The following LINGO2 variants were observed in gnomAD, a reference collection of about 807,000 sequenced individuals.
LINGO2 encodes leucine-rich repeat and immunoglobulin-like domain-containing nogo receptor-interacting protein 2.
In LINGO2, 14 loss-of-function variants were observed where a neutral mutation model predicts 30.6. The ratio of observed to expected loss-of-function variants is 0.46; its 90% CI spans 0.30 to 0.72. LINGO2 has a LOEUF of 0.72. Ranked by LOEUF, LINGO2 falls within the 30% of genes least tolerant of loss-of-function variation. The pLI is 0.07. For missense variants in LINGO2, 729 were observed against 751.7 expected, an observed-to-expected ratio of 0.97 and a Z score of 0.35; for synonymous variants, 317 against 288.5, an observed-to-expected ratio of 1.10 and a Z score of -1.00.
rs1341254305 is a variant in LINGO2, at chr9:28,360,235, C to T, written c.-246+12601G>A. On this transcript the variant is annotated intron_variant, in intron 3 of 5. Transcript: ENST00000379992. ...TGAGAAAAATGAATTTCAAAATTCA[C>T]TTTCAGATGCTAGAGCACTATTCCT... 2.0e-5 allele frequency among the ~76,000 whole-genome samples: 3 copies of T among 152,264 alleles called. No individual in the cohort carries two copies. The East Asian group carries it at 5.8e-4, about 29-fold the overall frequency.
the LINGO2 span, among the ~76,000 whole-genome samples, chr9:29,082,931 C>A: frequency 1.3e-5 from 2 of 152,076 alleles, no homozygotes; most frequent in South Asian, 2.1e-4. Flanking sequence ...AGTCAGGAAA[C>A]AACAGGTGCT....
At chr9:29,113,437 G>A in the LINGO2 span, among the ~76,000 whole-genome samples, 1 of 152,138 alleles carries the variant, frequency 6.6e-6, no homozygotes, top group Non-Finnish European at 1.5e-5. Flanking sequence ...GATGAAGCCA[G>A]CAGGAGCAGA....
intron 4 of LINGO2, among the ~76,000 whole-genome samples, chr9:28,059,004 C>T (rs1825053988): frequency 6.6e-6 from 1 of 152,016 alleles, no homozygotes; most frequent in Non-Finnish European, 1.5e-5. Context: ...AGATTCAGAG[C>T]TCACAACTTC....
At chr9:28,361,941 T>C (rs1396160234) in intron 3 of LINGO2, among the ~76,000 whole-genome samples, 1 of 152,188 alleles carries the variant, frequency 6.6e-6, no homozygotes, top group African/African-American at 2.4e-5. Context: ...CTGTTTCTGC[T>C]TTGAAAGCCA....
chr9:28,930,287 C>A, the LINGO2 span, among the ~76,000 whole-genome samples: 1 of 152,164 alleles, frequency 6.6e-6, no homozygotes, highest in Non-Finnish European at 1.5e-5. This position sits in a 1 kb window ranked among gnomAD's most constrained non-coding sequence, Gnocchi z 4.2. Flanking sequence ...GAAACCCTGG[C>A]TTGAATTCCT....
At chr9:28,221,628 A>T (rs924770567) in intron 4 of LINGO2, among the ~76,000 whole-genome samples, 1 of 152,182 alleles carries the variant, frequency 6.6e-6, no homozygotes, top group African/African-American at 2.4e-5. Flanking sequence ...TTAAAATTAT[A>T]GACACTGAAT....
At chr9:28,712,515 C>G in the LINGO2 span, among the ~76,000 whole-genome samples, 1 of 150,996 alleles carries the variant, frequency 6.6e-6, no homozygotes, top group Admixed American at 6.7e-5. Flanking sequence ...AAACTCAGCT[C>G]TACCATTTTA....
the LINGO2 span, among the ~76,000 whole-genome samples, chr9:28,857,963 C>T: frequency 3.1e-4 from 47 of 151,404 alleles, no homozygotes; most frequent in South Asian, 8.1e-3. Context: ...GTATGCGGCC[C>T]GTTCAACATC....
chr9:28,920,948 CTA>C, the LINGO2 span, among the ~76,000 whole-genome samples: 3 of 152,006 alleles, frequency 2.0e-5, no homozygotes, highest in African/African-American at 7.2e-5. Context: ...CAAATGGACA[CTA>C]TGAAAATTAT....
intron 4 of LINGO2, among the ~76,000 whole-genome samples, chr9:28,186,968 G>A (rs550334961): frequency 1.4e-4 from 22 of 152,208 alleles, no homozygotes; most frequent in Non-Finnish European, 2.5e-4. Context: ...GTGCCAAAAA[G>A]TGACATGATC....
the LINGO2 span, among the ~76,000 whole-genome samples, chr9:29,013,323 T>C: frequency 4.3e-4 from 66 of 152,106 alleles, 4 homozygotes; most frequent in Non-Finnish European, 1.5e-5. Flanking sequence ...CCTAACAAAG[T>C]ACCTTACTCA....
the LINGO2 span, among the ~76,000 whole-genome samples, chr9:28,863,452 G>A: frequency 6.6e-6 from 1 of 152,050 alleles, no homozygotes; most frequent in Admixed American, 6.6e-5. Flanking sequence ...TTTCTGGTGT[G>A]TTTGACACAG....
chr9:28,867,529 G>A, the LINGO2 span, among the ~76,000 whole-genome samples: 77 of 149,628 alleles, frequency 5.1e-4, no homozygotes, highest in African/African-American at 1.8e-3. Flanking sequence ...CTGCACCAAT[G>A]TAAACATTTG....
intron 3 of LINGO2, among the ~76,000 whole-genome samples, chr9:28,308,554 T>C (rs1304491446): frequency 6.8e-6 from 1 of 146,224 alleles, no homozygotes; most frequent in Non-Finnish European, 1.5e-5. Flanking sequence ...CCAAAAGCAA[T>C]GGCAACAAAA....
At chr9:28,196,261 T>C (rs1820005175) in intron 4 of LINGO2, among the ~76,000 whole-genome samples, 1 of 151,656 alleles carries the variant, frequency 6.6e-6, no homozygotes, top group Admixed American at 6.6e-5. Flanking sequence ...CTAGTGGTAC[T>C]GGACAAGAGA....
chr9:28,041,251 C>T (rs527765057), intron 4 of LINGO2, among the ~76,000 whole-genome samples: 2 of 152,286 alleles, frequency 1.3e-5, no homozygotes, highest in African/African-American at 4.8e-5. Flanking sequence ...CAGGTTCATA[C>T]AATGTGGCAA....
the LINGO2 span, among the ~76,000 whole-genome samples, chr9:28,977,221 C>A: frequency 6.6e-6 from 1 of 152,106 alleles, no homozygotes; most frequent in African/African-American, 2.4e-5. Flanking sequence ...ATAATGAAAG[C>A]CATGTAATAC....
the LINGO2 span, among the ~76,000 whole-genome samples, chr9:29,047,295 T>C: frequency 3.9e-5 from 6 of 151,978 alleles, no homozygotes; most frequent in Non-Finnish European, 5.9e-5. Flanking sequence ...AACAATCATA[T>C]GAAAAAAAGT....
chr9:29,052,982 T>C, the LINGO2 span, among the ~76,000 whole-genome samples: 1 of 152,110 alleles, frequency 6.6e-6, no homozygotes, highest in Admixed American at 6.6e-5. Flanking sequence ...AAAAAGTTAA[T>C]TATTTCTGAA....
Sources: gnomAD v4.1 joint callset for allele counts (sites outside exome capture counted in the v4.1 genomes callset) on GRCh38, gnomAD v4.1.1 for gene constraint, Gnocchi (gnomAD v3.1) non-coding constraint, MANE v1.5 for transcripts, NCBI Gene and HGNC (gene_info 2026-07-23, HGNC 2026-07-21) for gene names.